The following SGCD variants were observed in gnomAD, a reference collection of about 807,000 sequenced individuals.
SGCD encodes the protein delta-sarcoglycan.
In SGCD, 18 loss-of-function variants were observed where a neutral mutation model predicts 36.6. That is an observed-to-expected ratio of 0.49 (90% CI 0.34 to 0.73). The LOEUF is 0.73. Ranked by LOEUF, SGCD falls within the 30% of genes least tolerant of loss-of-function variation. The pLI is 0.01. For missense variants in SGCD, 387 were observed against 346.7 expected (o/e 1.12, Z -0.92); for synonymous variants, 133 against 130.6 (o/e 1.02, Z -0.12).
Position 156,204,474 on chromosome 5 carries a change from A to ACTCT in SGCD, c.-44+80456_-44+80457insTCTC, listed in dbSNP as rs1554083855. ...TAACTAGTTTAGCCAACACACTCAT[A>ACTCT]CACACACACACACACACACACACAC... On this transcript the variant is annotated intron_variant, in intron 3 of 9. Coordinates refer to the SGCD transcript ENST00000517913. 6.7e-3 allele frequency among the ~76,000 whole-genome samples: 100 copies of ACTCT among 14,838 alleles called. 3 individuals are homozygous for ACTCT. The highest frequency in any genetic ancestry group is 0.021 in the South Asian group (24 of 1,118). 9.7% of individuals were successfully genotyped at this position (14,838 alleles called of 152,430 possible). A position where few individuals can be genotyped will look rare whatever the true frequency, so the allele number is the denominator to read the frequency against.
intron 7 of SGCD, among the ~76,000 whole-genome samples, chr5:156,675,282 T>C (rs1280200829): frequency 6.6e-6 from 1 of 152,232 alleles, no homozygotes; most frequent in Non-Finnish European, 1.5e-5. Context: ...TTACCTAGAA[T>C]GTGGAGCTTA....
At chr5:156,088,417 C>G (rs535527716) in intron 1 of SGCD, among the ~76,000 whole-genome samples, 54 of 152,250 alleles carry the variant, frequency 3.5e-4, no homozygotes, top group Non-Finnish European at 5.7e-4. Flanking sequence ...TACTTAAGGT[C>G]TTCTGTGAAG....
chr5:156,603,347 A>G (rs1217822978), intron 6 of SGCD, among the ~76,000 whole-genome samples: 1 of 152,006 alleles, frequency 6.6e-6, no homozygotes, highest in Non-Finnish European at 1.5e-5. Flanking sequence ...CTAGCTAAAT[A>G]TTTGTCAATT....
chr5:156,698,842 C>CAG (rs1021344801), intron 7 of SGCD, among the ~76,000 whole-genome samples: 3 of 117,336 alleles, frequency 2.6e-5, no homozygotes, highest in African/African-American at 1.4e-4. Flanking sequence ...AATTAAAATA[C>CAG]ACACACACAC....
At chr5:156,296,820 T>C (rs1766904108) in intron 3 of SGCD, among the ~76,000 whole-genome samples, 1 of 152,104 alleles carries the variant, frequency 6.6e-6, no homozygotes, top group African/African-American at 2.4e-5. Flanking sequence ...ATTATCTTCT[T>C]TCTGGTTCTG....
chr5:155,971,183 A>T (rs1443218823), intron 1 of SGCD, among the ~76,000 whole-genome samples: 1 of 152,140 alleles, frequency 6.6e-6, no homozygotes. Flanking sequence ...GGTTTTTATA[A>T]CTTCTATAGT....
intron 1 of SGCD, among the ~76,000 whole-genome samples, chr5:155,982,766 C>G (rs1439689135): frequency 6.6e-6 from 1 of 152,186 alleles, no homozygotes; most frequent in African/African-American, 2.4e-5. Flanking sequence ...ATGACTCGGT[C>G]TGGGCTGCTT....
intron 4 of SGCD, among the ~76,000 whole-genome samples, chr5:156,587,098 C>T (rs1484334773): frequency 2.0e-5 from 3 of 152,178 alleles, no homozygotes; most frequent in Non-Finnish European, 4.4e-5. Flanking sequence ...AGCTCACACT[C>T]TGAACCTTTA....
Position 155,990,406 on chromosome 5 carries a change from C to T in SGCD, c.-282+119982C>T, listed in dbSNP as rs1318159585. 2.0e-5 allele frequency among the ~76,000 whole-genome samples: 3 copies of T among 152,222 alleles called. No homozygotes were observed. The South Asian group carries it at 6.2e-4, about 32-fold the overall frequency. On this transcript the variant is annotated intron_variant, in intron 1 of 9. Transcript: ENST00000517913. Reference sequence around the variant, plus strand: ...AGATTTAAAGATATAGCAGTCTTTGCTTATTCTTCCTCTATCTGTTTTCGG... The same window carrying T: ...AGATTTAAAGATATAGCAGTCTTTGTTTATTCTTCCTCTATCTGTTTTCGG...
the SGCD span, among the ~76,000 whole-genome samples, chr5:155,862,356 A>G: frequency 2.0e-5 from 3 of 152,134 alleles, no homozygotes; most frequent in Admixed American, 1.3e-4. Flanking sequence ...AGATGAAAAT[A>G]ATCAAAGGGT....
chr5:156,637,315 C>T (rs1472523105), intron 6 of SGCD, among the ~76,000 whole-genome samples: 1 of 152,128 alleles, frequency 6.6e-6, no homozygotes, highest in Non-Finnish European at 1.5e-5. Flanking sequence ...ATTACCCGAT[C>T]TTGGGTATGT....
At chr5:156,329,825 G>A (rs1390158897) in intron 2 of SGCD, among the ~76,000 whole-genome samples, 1 of 151,932 alleles carries the variant, frequency 6.6e-6, no homozygotes, top group Admixed American at 6.6e-5. Flanking sequence ...AGACCATCCT[G>A]GCTAACACGG....
chr5:155,894,179 T>C (rs1756198623), intron 1 of SGCD, among the ~76,000 whole-genome samples: 3 of 152,304 alleles, frequency 2.0e-5, no homozygotes, highest in Middle Eastern at 3.4e-3. Context: ...ATTAAAAACA[T>C]TTATTTCTTC....
the SGCD span, among the ~76,000 whole-genome samples, chr5:155,840,273 T>G: frequency 6.6e-6 from 1 of 151,328 alleles, no homozygotes; most frequent in East Asian, 1.9e-4. Context: ...AGCCGGAGTC[T>G]TGCTCTGTCT....
chr5:156,301,048 T>C (rs1020857161), intron 3 of SGCD, among the ~76,000 whole-genome samples: 1 of 151,972 alleles, frequency 6.6e-6, no homozygotes, highest in Admixed American at 6.6e-5. Context: ...ATTTAGCCAG[T>C]CTATGTCTTT....
rs193036633 is a variant in SGCD at position 156,157,569 on chromosome 5, A to G, written c.-44+33550A>G. On this transcript the variant is annotated intron_variant, in intron 3 of 9. Transcript: ENST00000517913. ...GGACTAGAAATGTAGTGTTGAATCA[A>G]GGGGGGAAAATATTTTTCTGCTAAG... Among the ~76,000 whole-genome samples, 309 of 151,828 alleles carry G rather than the reference A, an allele frequency of 2.0e-3. 16 individuals are homozygous for G. The highest frequency in any genetic ancestry group is 7.0e-3 in the African/African-American group (289 of 41,120).
the SGCD span, among the ~76,000 whole-genome samples, chr5:155,795,879 G>A: frequency 6.6e-6 from 1 of 152,152 alleles, no homozygotes; most frequent in East Asian, 1.9e-4. Context: ...AAAGCCAGAT[G>A]CGTAAAGAGG....
intron 4 of SGCD, among the ~76,000 whole-genome samples, chr5:156,526,985 A>G (rs1757672208): frequency 6.6e-6 from 1 of 152,180 alleles, no homozygotes. Flanking sequence ...TGGTAGGAGA[A>G]GTGTGTTCAA....
chr5:156,318,167 C>T (rs1218351085), intron 3 of SGCD, among the ~76,000 whole-genome samples: 3 of 152,076 alleles, frequency 2.0e-5, no homozygotes. Flanking sequence ...ATTAGAAATA[C>T]AAATTTTTAA....
Sources: gnomAD v4.1 joint callset for allele counts (sites outside exome capture counted in the v4.1 genomes callset) on GRCh38, gnomAD v4.1.1 for gene constraint, MANE v1.5 for transcripts, NCBI Gene and HGNC (gene_info 2026-07-23, HGNC 2026-07-21) for gene names.